SPATA13: variants seen among roughly 807,000 people sequenced by gnomAD.
The protein encoded by SPATA13 is spermatogenesis associated 13, also known as spermatogenesis-associated protein 13.
Under a neutral mutation model 104.0 loss-of-function variants are expected in SPATA13, and 50 were observed. The observed-to-expected ratio is 0.48, with a 90% confidence interval of 0.38 to 0.61. The LOEUF is 0.61. Ranked by LOEUF, SPATA13 falls within the 20% of genes least tolerant of loss-of-function variation. SPATA13 has a pLI of 0.00. For missense variants in SPATA13, 1,524 were observed against 1,690.6 expected (o/e 0.90, Z 1.73); for synonymous variants, 606 against 667.5 (o/e 0.91, Z 1.42).
intron 9 of SPATA13, among the ~76,000 whole-genome samples, chr13:24,291,740 A>ATTTTT (rs111558434): frequency 1.4e-5 from 2 of 138,808 alleles, no homozygotes; most frequent in African/African-American, 5.3e-5. Flanking sequence ...CTCTGTCTTT[A>ATTTTT]TTTTTTTATT....
At chr13:24,124,781 G>A (rs560091359) in intron 3 of SPATA13, among the ~76,000 whole-genome samples, 25 of 152,092 alleles carry the variant, frequency 1.6e-4, no homozygotes, top group Non-Finnish European at 3.1e-4. Context: ...ATCATCAATT[G>A]TTGGTCCATT....
chr13:24,118,927 A>T (rs1880943387), intron 3 of SPATA13, among the ~76,000 whole-genome samples: 2 of 91,284 alleles, frequency 2.2e-5, no homozygotes, highest in African/African-American at 3.3e-5. Context: ...TTTTTTTGAG[A>T]TGGAGTCTTG....
intron 1 of SPATA13, among the ~76,000 whole-genome samples, chr13:24,189,430 C>T (rs1183095093): frequency 3.4e-5 from 5 of 149,128 alleles, no homozygotes; most frequent in Non-Finnish European, 5.9e-5. Context: ...GCTGAGATCA[C>T]GCCACTGCAC....
At chr13:24,219,591 A>G (rs2138604149) in intron 1 of SPATA13, among the ~76,000 whole-genome samples, 1 of 152,358 alleles carries the variant, frequency 6.6e-6, no homozygotes, top group East Asian at 1.9e-4. Context: ...ACCCTCAGAG[A>G]GTGCACAGTC....
chr13:24,054,072 G>C (rs1171365047), intron 3 of SPATA13, among the ~76,000 whole-genome samples: 1 of 152,036 alleles, frequency 6.6e-6, no homozygotes, highest in African/African-American at 2.4e-5. Context: ...CTGTGCTCAG[G>C]GCCACCGTGA....
intron 2 of SPATA13, among the ~76,000 whole-genome samples, chr13:24,010,289 T>A (rs978556953): frequency 6.6e-6 from 1 of 152,284 alleles, no homozygotes; most frequent in East Asian, 1.9e-4. Flanking sequence ...CAATCAGATA[T>A]GCATTTGCCT....
At position 24,072,487 on chromosome 13, in the gene SPATA13, A is replaced by G. The variant is rs7323812; in HGVS notation, c.-112+54786A>G. 2.9e-3 allele frequency among the ~76,000 whole-genome samples: 442 copies of G among 152,264 alleles called. 7 individuals carry two copies. Among genetic ancestry groups the G allele is most frequent in the African/African-American group, 0.01 (423 of 41,546 alleles). Reference sequence around the variant, plus strand: ...TGGACATGGGCCATCCTGTTCTATCAGGGCTTCTGATGCACCTACTTCACT... The same window carrying G: ...TGGACATGGGCCATCCTGTTCTATCGGGGCTTCTGATGCACCTACTTCACT... On this transcript the variant is annotated intron_variant, in intron 3 of 14. Coordinates refer to the SPATA13 transcript ENST00000424834.
intron 1 of SPATA13, among the ~76,000 whole-genome samples, chr13:24,202,589 C>CTTT (rs11396232): frequency 0.022 from 2,785 of 123,788 alleles, 135 homozygotes; most frequent in African/African-American, 0.081. Context: ...GTTCCTGTGA[C>CTTT]TTTTTTTTTT....
At chr13:24,264,703 G>T (rs1432756834) in intron 4 of SPATA13, among the ~76,000 whole-genome samples, 2 of 152,136 alleles carry the variant, frequency 1.3e-5, no homozygotes, top group East Asian at 1.9e-4. Flanking sequence ...AAATGTGCTT[G>T]GTCCTAAGGA....
At chr13:24,276,193 G>A (rs1455728511) in intron 4 of SPATA13, among the ~76,000 whole-genome samples, 1 of 152,192 alleles carries the variant, frequency 6.6e-6, no homozygotes, top group East Asian at 1.9e-4. Flanking sequence ...GTAGTAAAAG[G>A]AGCCCAAATG....
chr13:23,983,925 G>A (rs1875029577), exon 2 of SPATA13: 1 of 985,440 alleles, frequency 1.0e-6, no homozygotes, highest in African/African-American at 1.7e-5. Flanking sequence ...AAACATCCTG[G>A]CCGTGAAGGT....
chr13:24,292,994 T>A (rs1409911878), intron 9 of SPATA13, among the ~76,000 whole-genome samples: 1 of 1,346 alleles, frequency 7.4e-4, no homozygotes, highest in Non-Finnish European at 1.3e-3. Context: ...AGACTTTGTC[T>A]CAAAAAAAAA....
intron 1 of SPATA13, among the ~76,000 whole-genome samples, chr13:23,981,125 C>G (rs1940239484): frequency 6.6e-6 from 1 of 152,194 alleles, no homozygotes; most frequent in African/African-American, 2.4e-5. Flanking sequence ...GCAGACAGTT[C>G]TACTGTTGGA....
intron 4 of SPATA13, among the ~76,000 whole-genome samples, chr13:24,280,946 G>T (rs933013300): frequency 5.9e-5 from 9 of 152,158 alleles, no homozygotes; most frequent in Admixed American, 5.9e-4. Flanking sequence ...GCGTTGTTCA[G>T]GCTCCCGTGT....
chr13:24,122,246 GC>G, intron 3 of SPATA13: 1 of 1,316,154 alleles, frequency 7.6e-7, no homozygotes, highest in African/African-American at 1.4e-5. Flanking sequence ...GTGAGTCAGA[GC>G]CTGATACCAC....
chr13:24,182,208 G>A (rs1566136746), intron 1 of SPATA13, among the ~76,000 whole-genome samples: 1 of 152,134 alleles, frequency 6.6e-6, no homozygotes, highest in African/African-American at 2.4e-5. Context: ...AGCAGGAAAG[G>A]TCCTTTCCAC....
At chr13:24,160,115 G>C (rs2760378), upstream of SPATA13, among the ~76,000 whole-genome samples, 142,691 of 152,296 alleles carry the variant, frequency 0.94, 67,320 homozygotes, top group East Asian at 0.99. Context: ...TCCCTACCCT[G>C]CGTTTTCCTT....
chr13:24,037,659 C>T (rs542229510), intron 3 of SPATA13, among the ~76,000 whole-genome samples: 13 of 152,072 alleles, frequency 8.5e-5, no homozygotes, highest in African/African-American at 1.7e-4. Flanking sequence ...CCACCTGCCT[C>T]GGCCTTCCAA....
chr13:24,065,301 G>A (rs1878913588), intron 3 of SPATA13, among the ~76,000 whole-genome samples: 1 of 152,136 alleles, frequency 6.6e-6, no homozygotes, highest in Non-Finnish European at 1.5e-5. Context: ...CAGAGTGGGG[G>A]TTTTGATGTG....
Sources: allele counts gnomAD v4.1 joint callset (sites outside exome capture counted in the v4.1 genomes callset), GRCh38; gene constraint gnomAD v4.1.1; transcripts MANE v1.5; gene names NCBI Gene and HGNC (gene_info 2026-07-23, HGNC 2026-07-21).